The following ECPAS variants were observed in gnomAD, a reference collection of about 807,000 sequenced individuals.
ECPAS encodes the protein Ecm29 proteasome adaptor and scaffold.
In ECPAS, 70 loss-of-function variants were observed where a neutral mutation model predicts 255.1. That is an observed-to-expected ratio of 0.27 (90% confidence interval 0.23 to 0.33). The LOEUF (loss-of-function observed/expected upper bound fraction) is 0.33. Ranked by LOEUF, ECPAS falls within the 10% of genes least tolerant of loss-of-function variation. The pLI is 1.00. For synonymous variants in ECPAS, 784 were observed against 775.0 expected (o/e 1.01, Z -0.19); for missense variants, 1,817 against 2,206.4 (o/e 0.82, Z 3.54).
At chr9:111,407,432 A>AAAAAAAAAAAAAAAAAAAAAAAAAAC (rs2098186587) in intron 24 of ECPAS, among the ~76,000 whole-genome samples, 1 of 142,760 alleles carries the variant, frequency 7.0e-6, no homozygotes, top group Non-Finnish European at 1.6e-5. Flanking sequence ...AAAAAAAAAA[A>AAAAAAAAAAAAAAAAAAAAAAAAAAC]AAAAAACCTA....
At chr9:111,433,630 T>A (rs551182689) in intron 7 of ECPAS, among the ~76,000 whole-genome samples, 39 of 152,272 alleles carry the variant, frequency 2.6e-4, no homozygotes, top group African/African-American at 9.4e-4. Flanking sequence ...CTTAAAAGAT[T>A]AAGACACTGG....
Position 111,430,624 on chromosome 9 carries a change from T to G in ECPAS, c.853A>C (p.Ile285Leu), listed in dbSNP as rs201061247. 5.9e-4 allele frequency: 939 copies of G among 1,588,498 alleles called. No individual in the cohort carries two copies. Among genetic ancestry groups the G allele is most frequent in the Non-Finnish European group, 7.6e-4 (885 of 1,165,172 alleles). ...DLELKSKQSL[I>L]DWNNPAIINK... Reference sequence around the variant, plus strand: ...ATGATGGCAGGATTATTCCAGTCAATTAAGCTATGGAAGGTTTCAACACAG... The same window carrying G: ...ATGATGGCAGGATTATTCCAGTCAAGTAAGCTATGGAAGGTTTCAACACAG... Residue 285 changes from isoleucine (I) to leucine (L), a missense_variant, in exon 9 of 50, where the codon ATT becomes CTT. Transcript: ENST00000684092.
chr9:111,389,051 T>C (rs549693520), intron 31 of ECPAS, among the ~76,000 whole-genome samples: 2 of 152,346 alleles, frequency 1.3e-5, no homozygotes, highest in South Asian at 4.1e-4. Flanking sequence ...GCCTTGGAAC[T>C]GATTGATATA....
rs566292900 is a variant in ECPAS at position 111,372,331 on chromosome 9, G to A, written c.4528+98C>T. ...AATGGGATGCATATTAAGGTCCTGGGAAAGTAACTTCAGAGGAGTTTATGA... is the reference window on the plus strand; with the variant it reads ...AATGGGATGCATATTAAGGTCCTGGAAAAGTAACTTCAGAGGAGTTTATGA... On this transcript the variant is annotated intron_variant, in intron 42 of 49. Transcript: ENST00000684092. 1.5e-5 allele frequency: 17 copies of A among 1,140,960 alleles called. No individual in the cohort carries two copies. The South Asian group carries it at 2.5e-4, about 17-fold the overall frequency. The allele number at this position is 1,140,960 out of a possible 1,614,324, so 70.7% of individuals were successfully genotyped here.
At chr9:111,410,822 G>A (rs1185320333) in intron 22 of ECPAS, among the ~76,000 whole-genome samples, 158 bp downstream of exon 22, 3 of 152,144 alleles carry the variant, frequency 2.0e-5, no homozygotes, top group East Asian at 1.9e-4. Context: ...CCCAGCCTTC[G>A]TTGTTACTAA....
intron 9 of ECPAS, among the ~76,000 whole-genome samples, chr9:111,428,440 A>G (rs952963681): frequency 1.3e-5 from 2 of 152,234 alleles, no homozygotes; most frequent in Non-Finnish European, 2.9e-5. Flanking sequence ...TTTATAAAAA[A>G]TAACTATTTT....
chr9:111,441,840 G>C (rs1473304181), intron 5 of ECPAS, among the ~76,000 whole-genome samples: 1 of 152,150 alleles, frequency 6.6e-6, no homozygotes, highest in Admixed American at 6.5e-5. Flanking sequence ...CACTATGACA[G>C]AGCTAGAACA....
intron 4 of ECPAS, among the ~76,000 whole-genome samples, chr9:111,443,924 G>C (rs1437772156): frequency 1.3e-5 from 2 of 152,152 alleles, no homozygotes; most frequent in Non-Finnish European, 2.9e-5. Context: ...TTATAAAAAA[G>C]ATCTTTCTGA....
Position 111,362,074 on chromosome 9 carries a change from C to T in ECPAS, c.5476G>A (p.Glu1826Lys). 2 of 1,612,556 alleles carry T rather than the reference C, an allele frequency of 1.2e-6. No individual in the cohort carries two copies. The highest frequency in any genetic ancestry group is 2.2e-5 in the South Asian group (2 of 90,968). ...MEPDSRPELQ[E>K]KAALLKKTLE... is the part of the protein sequence containing the mutation. ...GTTTTCTTCAGTAACGCTGCTTTCT[C>T]CTGCAGTTCAGGTCTGCTGTCTGGC... The change falls in exon 50 of 50, where the codon GAG (glutamate) becomes AAG (lysine). Residue 1826 changes from glutamate to lysine, a missense_variant. By Grantham distance (56) the Glu-to-Lys change is moderately conservative (BLOSUM62 1). Around this residue, in one of 4 missense-constraint regions of ECPAS, gnomAD observed 960 missense variants for 1,179.0 expected, o/e 0.81. Transcript: ENST00000684092.
chr9:111,423,448 C>T (rs2098217209), intron 12 of ECPAS, among the ~76,000 whole-genome samples, 200 bp from the exon 13 acceptor site: 1 of 152,160 alleles, frequency 6.6e-6, no homozygotes, highest in Non-Finnish European at 1.5e-5. Flanking sequence ...ATCCATCACA[C>T]TAACTAAAAG....
intron 24 of ECPAS, among the ~76,000 whole-genome samples, chr9:111,400,648 TCA>T (rs2098174464): frequency 6.6e-6 from 1 of 152,146 alleles, no homozygotes; most frequent in Non-Finnish European, 1.5e-5. Context: ...GAAAAATGCT[TCA>T]GTGTGTCTCA....
chr9:111,395,034 A>G (rs1008075081), intron 25 of ECPAS, among the ~76,000 whole-genome samples: 3 of 152,202 alleles, frequency 2.0e-5, no homozygotes, highest in African/African-American at 4.8e-5. Flanking sequence ...GCTAAGTCCA[A>G]TGATGGTTTC....
chr9:111,364,812 A>C (rs1333523630), intron 48 of ECPAS, among the ~76,000 whole-genome samples: 1 of 152,224 alleles, frequency 6.6e-6, no homozygotes, highest in Admixed American at 6.5e-5. Flanking sequence ...AGGACACATC[A>C]CTTATGTATG....
At chr9:111,409,532 T>G (rs1019217081) in intron 23 of ECPAS, among the ~76,000 whole-genome samples, 3 of 151,920 alleles carry the variant, frequency 2.0e-5, no homozygotes, top group Non-Finnish European at 4.4e-5. Context: ...CCATTGCACT[T>G]TAGCTTGAGC....
chr9:111,459,463 G>A (rs193186201), intron 2 of ECPAS, among the ~76,000 whole-genome samples: 60 of 152,132 alleles, frequency 3.9e-4, no homozygotes, highest in East Asian at 1.9e-4. Context: ...AGAAGTCTAC[G>A]AAATATTTGA....
rs2098160572 is a variant in ECPAS at position 111,391,799 on chromosome 9, T to C, written c.3118A>G (p.Thr1040Ala). The C allele has an allele frequency of 2.5e-6, 4 of 1,608,802 alleles. No homozygotes were observed. Among genetic ancestry groups the C allele is most frequent in the Non-Finnish European group, 3.4e-6 (4 of 1,176,842 alleles). Residue 1040 changes from threonine (T) to alanine (A), a missense_variant, in exon 29 of 50, where the codon ACA (threonine) becomes GCA (alanine). Coordinates refer to ENST00000684092, the MANE Select transcript of ECPAS (RefSeq NM_001364929.1). The stretch of plus-strand genomic sequence containing the variant: ...AGAGCTCCCCCTTGAAATACCACTG[T>C]CTCTCCAGAAACTTCATGTTTAACT... The part of the protein sequence containing the change: ...KRVKHEVSGE[T>A]VVFQGGALGK...
intron 9 of ECPAS, among the ~76,000 whole-genome samples, chr9:111,429,127 A>AT (rs138129646): frequency 6.6e-6 from 1 of 151,604 alleles, no homozygotes; most frequent in Admixed American, 6.6e-5. Flanking sequence ...TAACAAGCTC[A>AT]TTTTTTTCCC....
rs750292438 is a variant in ECPAS, at chr9:111,442,350, C to G, written c.345G>C (p.Thr115=). The G allele has an allele frequency of 6.2e-7, 1 of 1,612,818 alleles. No individual in the cohort carries two copies. The highest frequency in any genetic ancestry group is 8.5e-7 in the Non-Finnish European group (1 of 1,179,448). The change falls in exon 5 of 50, where the codon ACG becomes ACC. Residue 115 remains threonine, a synonymous_variant. Transcript: ENST00000684092. ...GCTTCCCTTCCATGGCAGTAAGAAGCGTAGGGGCCAGTTCACATTGTTTTT... is the reference window on the plus strand; with the variant it reads ...GCTTCCCTTCCATGGCAGTAAGAAGGGTAGGGGCCAGTTCACATTGTTTTT... ...PVEKQCELAP[T]LLTAMEGKPQ... is the part of the protein sequence containing the mutation.
At chr9:111,418,223 CTTTGAA>C (rs1027181798) in intron 16 of ECPAS, among the ~76,000 whole-genome samples, 2 of 152,118 alleles carry the variant, frequency 1.3e-5, no homozygotes, top group South Asian at 2.1e-4. Context: ...TGGCTTACAT[CTTTGAA>C]TTTGACTCAC....
Sources: allele counts gnomAD v4.1 joint callset (sites outside exome capture counted in the v4.1 genomes callset), GRCh38; gene constraint gnomAD v4.1.1; regional missense constraint gnomAD v4.1.1; transcripts MANE v1.5; gene names NCBI Gene and HGNC (gene_info 2026-07-23, HGNC 2026-07-21).